Variants in RABGAP1L observed in about 807,000 individuals in gnomAD.
RABGAP1L encodes rab GTPase-activating protein 1-like.
Under a neutral mutation model 137.7 loss-of-function variants are expected in RABGAP1L, and 63 were observed. That is an observed-to-expected ratio of 0.46 (90% CI 0.37 to 0.56). The LOEUF (loss-of-function observed/expected upper bound fraction) is 0.56. RABGAP1L is among the 20% of genes least tolerant of loss of function. The pLI is 0.00. For synonymous variants in RABGAP1L, 431 were observed against 433.7 expected, an observed-to-expected ratio of 0.99 and a Z score of 0.08; for missense variants, 1,095 against 1,244.0, an observed-to-expected ratio of 0.88 and a Z score of 1.80.
chr1:174,625,313 T>C (rs374879701), intron 13 of RABGAP1L, among the ~76,000 whole-genome samples: 2 of 152,256 alleles, frequency 1.3e-5, no homozygotes, highest in African/African-American at 4.8e-5. Context: ...ACATCTAGAA[T>C]AGTGCCTGAT....
At chr1:174,283,047 T>C (rs1200128759) in intron 10 of RABGAP1L, among the ~76,000 whole-genome samples, 2 of 152,162 alleles carry the variant, frequency 1.3e-5, no homozygotes, top group South Asian at 4.1e-4. Flanking sequence ...CTTAGTTTTA[T>C]TTGTTGCGAG....
chr1:174,380,399 C>T (rs1301370010), intron 12 of RABGAP1L, among the ~76,000 whole-genome samples: 1 of 151,746 alleles, frequency 6.6e-6, no homozygotes, highest in East Asian at 2.0e-4. Context: ...TAGAATTCGG[C>T]TGTGAATCCA....
At chr1:174,547,753 T>A (rs950979430) in intron 13 of RABGAP1L, 1 of 1,166,346 alleles carries the variant, frequency 8.6e-7, no homozygotes, top group South Asian at 1.5e-5. Flanking sequence ...GTCATTGTAT[T>A]TGTATTTAAA....
intron 1 of RABGAP1L, among the ~76,000 whole-genome samples, chr1:174,218,524 A>C (rs894084590): frequency 6.6e-6 from 1 of 152,202 alleles, no homozygotes; most frequent in Non-Finnish European, 1.5e-5. Flanking sequence ...TGCTACGTGA[A>C]GGCAATATAG....
chr1:174,598,517 A>C (rs1009407288), intron 13 of RABGAP1L, among the ~76,000 whole-genome samples: 1 of 152,132 alleles, frequency 6.6e-6, no homozygotes, highest in Admixed American at 6.5e-5. Flanking sequence ...GAAGTCTCCA[A>C]CTATTACTGT....
chr1:174,269,047 A>G (rs1471993252), intron 7 of RABGAP1L, among the ~76,000 whole-genome samples: 1 of 151,970 alleles, frequency 6.6e-6, no homozygotes, highest in Non-Finnish European at 1.5e-5. Context: ...GGTTCACGCC[A>G]TTCTCTCGTC....
intron 17 of RABGAP1L, among the ~76,000 whole-genome samples, chr1:174,743,933 A>C (rs1683656303): frequency 2.0e-5 from 3 of 151,628 alleles, no homozygotes. Context: ...GAAAATATAT[A>C]ATTAAGCTAG....
At chr1:174,250,271 C>CT (rs1311167359) in intron 5 of RABGAP1L, among the ~76,000 whole-genome samples, 2 of 151,906 alleles carry the variant, frequency 1.3e-5, no homozygotes, top group Non-Finnish European at 2.9e-5. Flanking sequence ...CAGTTGTTTA[C>CT]TCCCTCTTTT....
chr1:174,279,591 G>C (rs1675311843), intron 10 of RABGAP1L, among the ~76,000 whole-genome samples: 1 of 152,036 alleles, frequency 6.6e-6, no homozygotes, highest in Admixed American at 6.6e-5. Context: ...TAAAAAAACT[G>C]CCATGGCGCA....
At chr1:174,989,235 A>C (rs2149400653) in intron 25 of RABGAP1L, among the ~76,000 whole-genome samples, 1 of 152,298 alleles carries the variant, frequency 6.6e-6, no homozygotes, top group Admixed American at 6.5e-5. Flanking sequence ...TCTTTCCTTT[A>C]GAGCTTCTTT....
chr1:174,885,976 AAAAAC>A (rs991595322), intron 19 of RABGAP1L, among the ~76,000 whole-genome samples: 14 of 151,964 alleles, frequency 9.2e-5, no homozygotes, highest in African/African-American at 3.4e-4. Flanking sequence ...CAAAAAAAAT[AAAAAC>A]AAAACGATGA....
At chr1:174,232,916 C>A (rs904213343) in intron 4 of RABGAP1L, among the ~76,000 whole-genome samples, 1 of 152,132 alleles carries the variant, frequency 6.6e-6, no homozygotes, top group Non-Finnish European at 1.5e-5. Flanking sequence ...TCCTTCTTTT[C>A]TTCTTAGCCT....
intron 13 of RABGAP1L, among the ~76,000 whole-genome samples, chr1:174,535,849 A>G (rs972712863): frequency 6.6e-6 from 1 of 152,216 alleles, no homozygotes; most frequent in Non-Finnish European, 1.5e-5. Flanking sequence ...GTTTTATAGA[A>G]AAATTGAGCA....
chr1:174,238,306 C>T lies in RABGAP1L; in HGVS notation c.543-3177C>T, dbSNP rs535837351. Among the ~76,000 whole-genome samples, 124 of 152,312 alleles carry T rather than the reference C, an allele frequency of 8.1e-4. 1 individual carries two copies. The highest frequency in any genetic ancestry group is 1.8e-3 in the Admixed American group (28 of 15,298). On this transcript the variant is annotated intron_variant, in intron 4 of 25. Transcript: ENST00000681986. ...TCTCCATCCAGGTTTGTTCCGTTGC[C>T]GGTGAGGAACTGCGTTCCTTTGGAG...
chr1:174,268,905 C>T (rs574693595), intron 7 of RABGAP1L, among the ~76,000 whole-genome samples: 124 of 151,870 alleles, frequency 8.2e-4, no homozygotes, highest in African/African-American at 2.8e-3. Context: ...TTACAGTGCC[C>T]TTTCATCATG....
chr1:174,489,588 A>C (rs888319378), intron 13 of RABGAP1L, among the ~76,000 whole-genome samples: 1 of 151,824 alleles, frequency 6.6e-6, no homozygotes, highest in Non-Finnish European at 1.5e-5. Flanking sequence ...GTGGGACTGT[A>C]AACTAGTTCA....
chr1:174,723,015 T>G (rs1681697432), intron 17 of RABGAP1L, among the ~76,000 whole-genome samples: 1 of 152,186 alleles, frequency 6.6e-6, no homozygotes, highest in South Asian at 2.1e-4. Context: ...CTGGAGTGAT[T>G]CAATACAAAT....
chr1:174,459,756 G>A (rs1249260815), intron 13 of RABGAP1L, among the ~76,000 whole-genome samples: 1 of 152,020 alleles, frequency 6.6e-6, no homozygotes, highest in Non-Finnish European at 1.5e-5. Flanking sequence ...GAATATGGAG[G>A]ACTGACTGTA....
At chr1:174,772,155 G>A (rs1038854958) in intron 18 of RABGAP1L, among the ~76,000 whole-genome samples, 4 of 151,002 alleles carry the variant, frequency 2.6e-5, no homozygotes, top group African/African-American at 4.9e-5. Context: ...CTGAGATCAC[G>A]CCACTGCACT....
Sources: gnomAD v4.1 joint callset for allele counts (sites outside exome capture counted in the v4.1 genomes callset) on GRCh38, gnomAD v4.1.1 for gene constraint, MANE v1.5 for transcripts, NCBI Gene and HGNC (gene_info 2026-07-23, HGNC 2026-07-21) for gene names.